Variants in GPR107 observed in about 807,000 individuals in gnomAD.
GPR107 encodes protein GPR107.
Under a neutral mutation model 75.5 loss-of-function variants are expected in GPR107, and 31 were observed. That is an observed-to-expected ratio of 0.41 (90% confidence interval 0.31 to 0.55). The LOEUF is 0.55. GPR107 is among the 20% of genes least tolerant of loss of function. The pLI, the probability that GPR107 is intolerant of heterozygous loss-of-function variation, is 0.26. For synonymous variants in GPR107, 267 were observed against 251.3 expected (o/e 1.06, Z -0.59); for missense variants, 572 against 665.7 (o/e 0.86, Z 1.55).
At chr9:130,131,966 G>C (rs1831837818) in intron 17 of GPR107, among the ~76,000 whole-genome samples, 4 of 152,100 alleles carry the variant, frequency 2.6e-5, no homozygotes, top group Admixed American at 6.5e-5. Flanking sequence ...CTGCAGGCTT[G>C]AGCTCCCCGG....
intron 1 of GPR107, among the ~76,000 whole-genome samples, chr9:130,068,806 A>G (rs1830131108): frequency 6.6e-6 from 1 of 151,440 alleles, no homozygotes; most frequent in Non-Finnish European, 1.5e-5. Context: ...CTGTGGCGCA[A>G]TCTTGGCTCA....
At chr9:130,066,558 C>T (rs552078097) in intron 1 of GPR107, among the ~76,000 whole-genome samples, 10 of 152,200 alleles carry the variant, frequency 6.6e-5, no homozygotes, top group East Asian at 3.9e-4. Flanking sequence ...CATGTCCATC[C>T]GTAGGTTAGC....
At chr9:130,132,058 A>AT (rs1444694411) in intron 17 of GPR107, among the ~76,000 whole-genome samples, 7 of 151,882 alleles carry the variant, frequency 4.6e-5, no homozygotes, top group Non-Finnish European at 1.0e-4. Flanking sequence ...ATGTTTTTGT[A>AT]TTTTTTTGTA....
rs1564663556 is a variant in GPR107, at chr9:130,075,632, T to G, written c.142-4T>G. On this transcript the variant is annotated splice_region_variant and splice_polypyrimidine_tract_variant and intron_variant, in intron 1 of 17. Transcript: ENST00000347136. The stretch of plus-strand genomic sequence containing the variant: ...ACTAATTCCACCACTACAAATCTCT[T>G]TAGGATGATGTGAGGCATAAAGTTC... The G allele has an allele frequency of 1.4e-6, 2 of 1,449,874 alleles. No homozygotes were observed. The highest frequency in any genetic ancestry group is 1.9e-6 in the Non-Finnish European group (2 of 1,030,462). 89.8% of individuals were successfully genotyped at this position (1,449,874 alleles called of 1,614,324 possible).
chr9:130,077,992 C>T (rs1174167234), intron 4 of GPR107, among the ~76,000 whole-genome samples: 1 of 152,030 alleles, frequency 6.6e-6, no homozygotes, highest in African/African-American at 2.4e-5. Flanking sequence ...AGTGAAACCC[C>T]GTCTCTACTA....
intron 5 of GPR107, among the ~76,000 whole-genome samples, chr9:130,082,065 G>GGTGCC (rs971592261): frequency 4.5e-4 from 69 of 152,154 alleles, no homozygotes; most frequent in African/African-American, 1.6e-3. Context: ...AGAGTGGGGA[G>GGTGCC]GTGCCACACT....
chr9:130,054,840 G>A (rs1004621399), intron 1 of GPR107, among the ~76,000 whole-genome samples: 1 of 152,156 alleles, frequency 6.6e-6, no homozygotes, highest in African/African-American at 2.4e-5. Flanking sequence ...ACACTGGGAG[G>A]CCTATGCAGG....
Position 130,100,711 on chromosome 9 carries a change from G to T in GPR107, c.1013+9G>T, listed in dbSNP as rs752343059. The T allele has an allele frequency of 6.3e-6, 10 of 1,579,176 alleles. No homozygotes were observed. The highest frequency in any genetic ancestry group is 3.3e-4 in the Middle Eastern group (2 of 6,020). ...TACTACATAACTCACCTGTAAGTAT[G>T]CAGGTCCATGTGAAATACACCATGA... On this transcript the variant is annotated intron_variant, in intron 11 of 17. Coordinates refer to ENST00000347136, the MANE Select transcript of GPR107 (RefSeq NM_020960.5).
At chr9:130,057,472 C>T (rs1033152747) in intron 1 of GPR107, among the ~76,000 whole-genome samples, 10 of 149,292 alleles carry the variant, frequency 6.7e-5, no homozygotes. Context: ...ATGGCTCCAG[C>T]CTGGGGGACA....
At chr9:130,070,013 A>ATTTTTTT (rs1830166620) in intron 1 of GPR107, among the ~76,000 whole-genome samples, 5 of 16,286 alleles carry the variant, frequency 3.1e-4, no homozygotes, top group African/African-American at 1.3e-3. Flanking sequence ...TTTTTTTTTA[A>ATTTTTTT]ATTTTTTTGA....
intron 1 of GPR107, among the ~76,000 whole-genome samples, chr9:130,063,135 G>C (rs1345341520): frequency 6.6e-6 from 1 of 152,104 alleles, no homozygotes; most frequent in Non-Finnish European, 1.5e-5. Context: ...TCTCTTTTAA[G>C]TGTGAATATC....
intron 1 of GPR107, among the ~76,000 whole-genome samples, chr9:130,056,252 G>A (rs1198058855): frequency 6.6e-6 from 1 of 151,998 alleles, no homozygotes; most frequent in Admixed American, 6.6e-5. Context: ...AGGAGTTTGA[G>A]ACCAGCCTGG....
At chr9:130,062,976 C>G (rs1008158449) in intron 1 of GPR107, among the ~76,000 whole-genome samples, 1 of 152,144 alleles carries the variant, frequency 6.6e-6, no homozygotes, top group Non-Finnish European at 1.5e-5. Flanking sequence ...GCACTCCTAC[C>G]ACCTTGGTCC....
chr9:130,117,220 T>A (rs1831447758), intron 14 of GPR107, among the ~76,000 whole-genome samples: 1 of 152,074 alleles, frequency 6.6e-6, no homozygotes, highest in Non-Finnish European at 1.5e-5. Context: ...GTGCTGAGAT[T>A]ACAGGTGTGA....
At chr9:130,101,284 C>A (rs1589513111) in intron 12 of GPR107, 61 bp downstream of exon 12, 1 of 909,880 alleles carries the variant, frequency 1.1e-6, no homozygotes, top group South Asian at 1.3e-5. Flanking sequence ...GGCTCAGCTC[C>A]AAGCCTGTAT....
chr9:130,072,781 A>G (rs1830244172), intron 1 of GPR107, among the ~76,000 whole-genome samples: 1 of 152,154 alleles, frequency 6.6e-6, no homozygotes, highest in Admixed American at 6.5e-5. Context: ...AAACAAAACA[A>G]CAAGAAAACC....
At chr9:130,106,456 G>T (rs1831157576) in intron 13 of GPR107, among the ~76,000 whole-genome samples, 1 of 151,920 alleles carries the variant, frequency 6.6e-6, no homozygotes, top group Non-Finnish European at 1.5e-5. Flanking sequence ...AATTAGCTGG[G>T]CGTGGTAGCA....
intron 1 of GPR107, among the ~76,000 whole-genome samples, chr9:130,074,704 G>C (rs900854080): frequency 2.6e-5 from 4 of 151,964 alleles, no homozygotes; most frequent in Admixed American, 6.6e-5. Context: ...CTTGCATAAG[G>C]CTTTGTTCCC....
chr9:130,133,503 C>T lies in GPR107; in HGVS notation c.1563-1522C>T, dbSNP rs542504210. On this transcript the variant is annotated intron_variant, in intron 17 of 17. Transcript: ENST00000347136. ...GAGGCACGGGGGCTGCTACGTGGCTCGGGGCAGGGGCTTCTCTGGCTCATG... is the reference window on the plus strand; with the variant it reads ...GAGGCACGGGGGCTGCTACGTGGCTTGGGGCAGGGGCTTCTCTGGCTCATG... Among the ~76,000 whole-genome samples, 83 of 152,240 alleles carry T rather than the reference C, an allele frequency of 5.5e-4. 1 individual carries two copies. The highest frequency in any genetic ancestry group is 1.0e-4 in the Non-Finnish European group (7 of 68,026).
Sources: allele counts gnomAD v4.1 joint callset (sites outside exome capture counted in the v4.1 genomes callset), GRCh38; gene constraint gnomAD v4.1.1; transcripts MANE v1.5; gene names NCBI Gene and HGNC (gene_info 2026-07-23, HGNC 2026-07-21).